Variants in FRMD5 observed in about 807,000 individuals in gnomAD.
The protein encoded by FRMD5 is FERM domain containing 5, also known as FERM domain-containing protein 5.
FRMD5 carries 20 observed loss-of-function variants against 69.0 expected under a neutral mutation model. The observed-to-expected ratio is 0.29, with a 90% CI of 0.20 to 0.42. FRMD5 has a LOEUF of 0.42. Ranked by LOEUF, FRMD5 falls within the 10% of genes least tolerant of loss-of-function variation. The pLI is 1.00. For synonymous variants in FRMD5, 271 were observed against 260.1 expected (o/e 1.04, Z -0.40); for missense variants, 595 against 708.6 (o/e 0.84, Z 1.82).
At chr15:43,910,284 C>A (rs1402086820) in intron 4 of FRMD5, among the ~76,000 whole-genome samples, 1 of 151,976 alleles carries the variant, frequency 6.6e-6, no homozygotes, top group Non-Finnish European at 1.5e-5. Flanking sequence ...AGGAGCCAGC[C>A]CCAGTCGATC....
chr15:44,128,635 T>C (rs1189392318), intron 1 of FRMD5, among the ~76,000 whole-genome samples: 2 of 152,160 alleles, frequency 1.3e-5, no homozygotes, highest in Non-Finnish European at 2.9e-5. Flanking sequence ...TTCCTAGATA[T>C]GTGCTTACCT....
intron 1 of FRMD5, among the ~76,000 whole-genome samples, chr15:44,073,050 C>T (rs778484370): frequency 4.6e-5 from 7 of 152,098 alleles, no homozygotes; most frequent in Non-Finnish European, 7.4e-5. Context: ...AGGAGGGTTG[C>T]CAGAGCCTGG....
At chr15:44,022,702 G>A (rs1891264360) in intron 1 of FRMD5, among the ~76,000 whole-genome samples, 1 of 151,862 alleles carries the variant, frequency 6.6e-6, no homozygotes, top group African/African-American at 2.4e-5. Context: ...GTATTTTGTG[G>A]GCCAGGATAG....
intron 1 of FRMD5, among the ~76,000 whole-genome samples, chr15:44,171,309 T>C (rs901031999): frequency 3.3e-5 from 5 of 152,230 alleles, no homozygotes; most frequent in Non-Finnish European, 7.3e-5. Flanking sequence ...GTCTAAGTGA[T>C]ATTTTAAAGC....
intron 1 of FRMD5, among the ~76,000 whole-genome samples, chr15:43,961,373 A>G (rs1001116720): frequency 6.6e-6 from 1 of 152,186 alleles, no homozygotes; most frequent in African/African-American, 2.4e-5. Context: ...GAATCTCTGA[A>G]TAGACCAATA....
intron 1 of FRMD5, among the ~76,000 whole-genome samples, chr15:43,972,309 A>G (rs1489187077): frequency 1.3e-5 from 2 of 151,980 alleles, no homozygotes; most frequent in Non-Finnish European, 2.9e-5. Context: ...AAATGCATCA[A>G]TATATTAAAA....
Position 44,195,153 on chromosome 15 carries a change from AC to A in FRMD5, c.-100del. On this transcript the variant is annotated 5_prime_UTR_variant, in exon 1 of 14. An upstream open reading frame in the 5' UTR loses its in-frame stop. Coordinates refer to ENST00000417257, the MANE Select transcript of FRMD5 (RefSeq NM_032892.5). ...CTCCGCACCGACCCCAGGCACCTGC[AC>A]CATCACCCCGGCCCCGTCGCTGCCG... The A allele has an allele frequency of 1.1e-6, 1 of 885,782 alleles. No individual in the cohort carries two copies. Among genetic ancestry groups the A allele is most frequent in the Non-Finnish European group, 1.6e-6 (1 of 613,582 alleles). The allele number at this position is 885,782 out of a possible 1,614,324, so 54.9% of individuals were successfully genotyped here. A position where few individuals can be genotyped will look rare whatever the true frequency, so the allele number is the denominator to read the frequency against.
intron 1 of FRMD5, among the ~76,000 whole-genome samples, chr15:43,988,435 A>T (rs140255650): frequency 1.3e-5 from 2 of 152,096 alleles, no homozygotes; most frequent in African/African-American, 4.8e-5. Flanking sequence ...CTACTGCACA[A>T]TGAATAGACT....
At chr15:43,874,607 A>C in intron 13 of FRMD5, 145 bp from the exon 14 acceptor site, 1 of 643,464 alleles carries the variant, frequency 1.6e-6, no homozygotes, top group Non-Finnish European at 2.7e-6. Flanking sequence ...TGATATATCG[A>C]GAAGACGACA....
chr15:44,132,460 A>G (rs2077115488), intron 1 of FRMD5, among the ~76,000 whole-genome samples: 1 of 151,970 alleles, frequency 6.6e-6, no homozygotes, highest in South Asian at 2.1e-4. Flanking sequence ...AAAGAAACTC[A>G]CTCTGTCATC....
intron 1 of FRMD5, among the ~76,000 whole-genome samples, chr15:44,058,084 T>G (rs917995577): frequency 1.3e-5 from 2 of 152,140 alleles, no homozygotes; most frequent in African/African-American, 4.8e-5. Flanking sequence ...AACAGTATAT[T>G]CTGCAACTTA....
chr15:43,874,326 G>A lies in FRMD5; in HGVS notation c.1272C>T (p.Tyr424=), dbSNP rs887450875. The A allele has an allele frequency of 1.2e-6, 2 of 1,614,236 alleles. No individual in the cohort carries two copies. The highest frequency in any genetic ancestry group is 2.2e-5 in the East Asian group (1 of 44,884). The stretch of plus-strand genomic sequence containing the variant: ...TGGGCAGCACGCTGTCTGCAGGGCT[G>A]TAGGCCTCGTCTGCAATCACAGCTA... ...ERVAVIADEA[Y]SPADSVLPTP... The change falls in exon 14 of 14, where the codon TAC becomes TAT. Residue 424 remains tyrosine (Y), a synonymous_variant. Coordinates refer to ENST00000417257, the MANE Select transcript of FRMD5 (RefSeq NM_032892.5).
intron 1 of FRMD5, among the ~76,000 whole-genome samples, chr15:44,044,241 G>A (rs1192715572): frequency 6.6e-6 from 1 of 152,202 alleles, no homozygotes; most frequent in Non-Finnish European, 1.5e-5. Context: ...ATGCCAGTTA[G>A]AATGGCGATC....
chr15:44,009,806 C>T (rs1425275014), intron 1 of FRMD5, among the ~76,000 whole-genome samples: 2 of 152,106 alleles, frequency 1.3e-5, no homozygotes, highest in East Asian at 3.8e-4. Context: ...TGCTCCAGGT[C>T]CCAGGCTTAA....
chr15:43,997,735 C>T (rs116945600), intron 1 of FRMD5, among the ~76,000 whole-genome samples: 4 of 152,270 alleles, frequency 2.6e-5, no homozygotes, highest in Non-Finnish European at 5.9e-5. Flanking sequence ...AAAGGAAACA[C>T]GTCTATCTAT....
At chr15:44,193,652 G>A (rs912742676) in intron 1 of FRMD5, among the ~76,000 whole-genome samples, 5 of 152,122 alleles carry the variant, frequency 3.3e-5, no homozygotes, top group African/African-American at 1.2e-4. Flanking sequence ...TGGATCTTTG[G>A]CAGCAGTCAG....
At position 44,148,329 on chromosome 15, in the gene FRMD5, G is replaced by T. The variant is rs374191327; in HGVS notation, c.102+46624C>A. Among the ~76,000 whole-genome samples, 545 of 151,806 alleles carry T rather than the reference G, an allele frequency of 3.6e-3. 5 individuals carry two copies. The highest frequency in any genetic ancestry group is 0.012 in the African/African-American group (484 of 41,418). ...CTCTGTCCCCCAGGTTGGAGTGCAGGGGCGCAATCTAGGCTCACTGCAAGC... is the reference window on the plus strand; with the variant it reads ...CTCTGTCCCCCAGGTTGGAGTGCAGTGGCGCAATCTAGGCTCACTGCAAGC... On this transcript the variant is annotated intron_variant, in intron 1 of 13. Transcript: ENST00000417257.
intron 1 of FRMD5, among the ~76,000 whole-genome samples, chr15:43,984,166 C>T (rs1052155382): frequency 3.7e-4 from 56 of 152,186 alleles, no homozygotes; most frequent in African/African-American, 1.4e-3. Context: ...AGGGATGATG[C>T]TCTACTCCTT....
chr15:44,122,941 C>G (rs1389947739), intron 1 of FRMD5, among the ~76,000 whole-genome samples: 1 of 151,950 alleles, frequency 6.6e-6, no homozygotes, highest in East Asian at 1.9e-4. Flanking sequence ...AAGTTTAATT[C>G]AATACCAATT....
Sources: allele counts gnomAD v4.1 joint callset (sites outside exome capture counted in the v4.1 genomes callset), GRCh38; gene constraint gnomAD v4.1.1; transcripts MANE v1.5; gene names NCBI Gene and HGNC (gene_info 2026-07-23, HGNC 2026-07-21).